The following THOC5 variants were observed in gnomAD, a reference collection of about 807,000 sequenced individuals.
THOC5 encodes Fms-interacting protein.
THOC5 carries 43 observed loss-of-function variants against 92.9 expected under a neutral mutation model. The observed-to-expected ratio is 0.46, with a 90% confidence interval of 0.36 to 0.60. The LOEUF (loss-of-function observed/expected upper bound fraction) is 0.60. Among genes scored for constraint, THOC5 ranks in the 20% least tolerant of loss-of-function variants. THOC5 has a pLI of 0.00. For missense variants in THOC5, 659 were observed against 849.4 expected, an observed-to-expected ratio of 0.78 and a Z score of 2.79; for synonymous variants, 296 against 320.1, an observed-to-expected ratio of 0.92 and a Z score of 0.80.
At chr22:29,527,918 G>C (rs993379688) in intron 11 of THOC5, among the ~76,000 whole-genome samples, 160 bp downstream of exon 11, 6 of 152,154 alleles carry the variant, frequency 3.9e-5, no homozygotes, top group African/African-American at 1.4e-4. Flanking sequence ...TTAACAAAAA[G>C]AAACAAAGTC....
At chr22:29,523,503 A>C (rs2063485346) in intron 12 of THOC5, among the ~76,000 whole-genome samples, 1 of 152,190 alleles carries the variant, frequency 6.6e-6, no homozygotes, top group Non-Finnish European at 1.5e-5. Context: ...CTCCCTGTTC[A>C]CAAGAACACA....
intron 14 of THOC5, among the ~76,000 whole-genome samples, chr22:29,519,417 A>G (rs5763294): frequency 0.48 from 73,595 of 152,190 alleles, 17,948 homozygotes; most frequent in East Asian, 0.74. Flanking sequence ...TGGTACTTGC[A>G]CACAAGAACA....
At chr22:29,538,534 A>G (rs1423427324) in intron 6 of THOC5, among the ~76,000 whole-genome samples, 5 of 152,084 alleles carry the variant, frequency 3.3e-5, no homozygotes, top group African/African-American at 1.2e-4. Flanking sequence ...ATGGTAACTC[A>G]CACCTGTAAT....
In THOC5 at chr22:29,512,006, C is replaced by T. The variant is rs1219606762; in HGVS notation, c.1797+15G>A. On this transcript the variant is annotated intron_variant, in intron 18 of 19. Coordinates refer to ENST00000490103, the MANE Select transcript of THOC5 (RefSeq NM_003678.5). ...GCTCTGCCTGCTCCTCCTGTCATCC[C>T]CAGCTGGGTCTTACCCGAATGTTGT... The T allele has an allele frequency of 1.9e-6, 3 of 1,611,430 alleles. No homozygotes were observed. The highest frequency in any genetic ancestry group is 2.2e-5 in the East Asian group (1 of 44,846).
At position 29,521,033 on chromosome 22, in the gene THOC5, C is replaced by T. The variant is rs775451872; in HGVS notation, c.1242G>A (p.Pro414=). 7.4e-6 allele frequency: 12 copies of T among 1,613,948 alleles called. No individual in the cohort carries two copies. The highest frequency in any genetic ancestry group is 4.0e-5 in the African/African-American group (3 of 74,884). ...CAAACTGATACTGATTGGCTGGATT[C>T]GGAGTTTTCTTTCCATGATCCCCAG... ...LYPGDHGKKT[P]NPANQYQFDK... Residue 414 remains proline (P), a synonymous_variant, in exon 13 of 20, where the codon CCG becomes CCA. Transcript: ENST00000490103.
Position 29,508,391 on chromosome 22 carries a change from G to C in THOC5, c.*66C>G, listed in dbSNP as rs1466756264. 4 of 1,503,048 alleles carry C rather than the reference G, an allele frequency of 2.7e-6. No homozygotes were observed. The highest frequency in any genetic ancestry group is 1.4e-5 in the African/African-American group (1 of 72,508). 93.1% of individuals were successfully genotyped at this position (1,503,048 alleles called of 1,614,324 possible). The stretch of plus-strand genomic sequence containing the variant: ...AATATCAAGAGTCACATGTGGGCCA[G>C]AGCAGAAAGCAGAAGCCCAGTGCTC... On this transcript the variant is annotated 3_prime_UTR_variant, in exon 20 of 20. Transcript: ENST00000490103.
rs1292758984 is a variant in THOC5, at chr22:29,543,506, C to T, written c.277G>A (p.Val93Met). 6.2e-7 allele frequency: 1 copy of T among 1,613,994 alleles called. No homozygotes were observed. Among genetic ancestry groups the T allele is most frequent in the East Asian group, 2.2e-5 (1 of 44,876 alleles). ...AGCTTCTTTAGAGTCATGAAATGCA[C>T]ACAGCTCTGGATCCTCCGTTCTTCT... ...EIEERRIQSC[V>M]HFMTLKKLNR... Residue 93 changes from valine (V) to methionine (M), a missense_variant, in exon 4 of 20, where the codon GTG becomes ATG. Coordinates refer to ENST00000490103, the MANE Select transcript of THOC5 (RefSeq NM_003678.5).
intron 1 of THOC5, among the ~76,000 whole-genome samples, chr22:29,552,743 C>T (rs925464543): frequency 6.6e-6 from 1 of 152,160 alleles, no homozygotes; most frequent in Admixed American, 6.5e-5. Context: ...GGAGGTGTAC[C>T]CAACAGCTCA....
intron 7 of THOC5, among the ~76,000 whole-genome samples, chr22:29,534,136 T>A (rs1452241063): frequency 1.3e-5 from 2 of 152,226 alleles, no homozygotes; most frequent in Non-Finnish European, 2.9e-5. Flanking sequence ...ATAGCACAGA[T>A]GAATCTTAGA....
In THOC5 at chr22:29,549,143, G is replaced by A. The variant is rs1480743800; in HGVS notation, c.5C>T (p.Ser2Leu). 4 of 1,613,996 alleles carry A rather than the reference G, an allele frequency of 2.5e-6. No homozygotes were observed. Among genetic ancestry groups the A allele is most frequent in the Non-Finnish European group, 3.4e-6 (4 of 1,180,018 alleles). The change falls in exon 2 of 20, where the codon TCA (serine) becomes TTA (leucine). Residue 2 changes from serine to leucine, a missense_variant. Ser to Leu is a moderately radical substitution (Grantham distance 145, BLOSUM62 -2). Coordinates refer to ENST00000490103, the MANE Select transcript of THOC5 (RefSeq NM_003678.5). MSSESSKKRKPK... is the reference protein window; with the variant it reads MLSESSKKRKPK... ...CTTCCGTTTTTTGCTCGATTCTGATGACATGGTTGTTCCTCCTGTTAAGAG... is the reference window on the plus strand; with the variant it reads ...CTTCCGTTTTTTGCTCGATTCTGATAACATGGTTGTTCCTCCTGTTAAGAG...
chr22:29,552,618 G>A (rs1019757090), intron 1 of THOC5, among the ~76,000 whole-genome samples: 1 of 148,280 alleles, frequency 6.7e-6, no homozygotes, highest in African/African-American at 2.5e-5. Context: ...TCGGGTCGGG[G>A]GTAGGGGGGC....
intron 2 of THOC5, chr22:29,544,952 T>C: frequency 6.4e-6 from 2 of 314,746 alleles, no homozygotes; most frequent in Non-Finnish European, 1.2e-5. Context: ...AACGGGATCA[T>C]ACTGTCCGTG....
In THOC5 at chr22:29,528,180, G is replaced by T; in HGVS notation, c.967-3C>A. Reference sequence around the variant, plus strand: ...CCCAGTGTGGGTCTCCGGCGCTTCTGGACAAAGGAAAGTGCCAAGCTGATG... The same window carrying T: ...CCCAGTGTGGGTCTCCGGCGCTTCTTGACAAAGGAAAGTGCCAAGCTGATG... On this transcript the variant is annotated splice_polypyrimidine_tract_variant and splice_region_variant and intron_variant, in intron 10 of 19. Coordinates refer to ENST00000490103, the MANE Select transcript of THOC5 (RefSeq NM_003678.5). The T allele has an allele frequency of 6.2e-7, 1 of 1,614,106 alleles. No individual in the cohort carries two copies. The highest frequency in any genetic ancestry group is 8.5e-7 in the Non-Finnish European group (1 of 1,180,004).
At chr22:29,533,727 G>A (rs748718468) in intron 7 of THOC5, among the ~76,000 whole-genome samples, 7 of 152,130 alleles carry the variant, frequency 4.6e-5, no homozygotes, top group Non-Finnish European at 1.0e-4. Flanking sequence ...TTATCCAAAA[G>A]GCAAAATGTG....
At chr22:29,528,282 T>G (rs1183283245) in intron 10 of THOC5, 105 bp from the exon 11 acceptor site, 1 of 1,613,824 alleles carries the variant, frequency 6.2e-7, no homozygotes, top group African/African-American at 1.3e-5. Context: ...ACCTGCTGCT[T>G]CAGCTAGCTG....
At chr22:29,514,362 G>T (rs1482123304) in intron 17 of THOC5, among the ~76,000 whole-genome samples, 1 of 149,710 alleles carries the variant, frequency 6.7e-6, no homozygotes, top group Non-Finnish European at 1.5e-5. Flanking sequence ...TGTCACCCAG[G>T]CTGGAGTGCA....
intron 2 of THOC5, among the ~76,000 whole-genome samples, chr22:29,545,528 A>G (rs1256594374): frequency 1.3e-5 from 2 of 152,210 alleles, no homozygotes; most frequent in Non-Finnish European, 2.9e-5. Context: ...TCGTAGATAC[A>G]GTGGGGGTAA....
chr22:29,517,594 A>G (rs1293147618), intron 15 of THOC5, among the ~76,000 whole-genome samples: 1 of 152,254 alleles, frequency 6.6e-6, no homozygotes, highest in Non-Finnish European at 1.5e-5. Flanking sequence ...GCCAGCACTT[A>G]TGGTGCTTTC....
At chr22:29,543,090 TC>T in intron 4 of THOC5, 134 bp from the exon 5 acceptor site, 1 of 642,834 alleles carries the variant, frequency 1.6e-6, no homozygotes, top group Non-Finnish European at 2.6e-6. Context: ...ACGCCTGTAA[TC>T]CCAGCACTTT....
Sources: allele counts gnomAD v4.1 joint callset (sites outside exome capture counted in the v4.1 genomes callset), GRCh38; gene constraint gnomAD v4.1.1; transcripts MANE v1.5; gene names NCBI Gene and HGNC (gene_info 2026-07-23, HGNC 2026-07-21).